Variants in CLDN10 observed in about 807,000 individuals in gnomAD.
CLDN10 encodes the protein claudin-10.
In CLDN10, 15 loss-of-function variants were observed where a neutral mutation model predicts 22.9. The ratio of observed to expected loss-of-function variants is 0.65; its 90% CI spans 0.44 to 1.01. The LOEUF is 1.01. Ranked by LOEUF, CLDN10 falls within the 50% of genes least tolerant of loss-of-function variation. The pLI is 0.00. For missense variants in CLDN10, 247 were observed against 287.8 expected (o/e 0.86, Z 1.03); for synonymous variants, 114 against 111.4 (o/e 1.02, Z -0.15).
chr13:95,487,381 A>C (rs1310708344), intron 1 of CLDN10, among the ~76,000 whole-genome samples: 4 of 152,238 alleles, frequency 2.6e-5, no homozygotes, highest in Non-Finnish European at 5.9e-5. Flanking sequence ...AGAGTATGTT[A>C]TCACTGCTCT....
chr13:95,467,298 T>C (rs1335369826), intron 1 of CLDN10, among the ~76,000 whole-genome samples: 1 of 152,184 alleles, frequency 6.6e-6, no homozygotes, highest in Non-Finnish European at 1.5e-5. Flanking sequence ...TAAGGACTTT[T>C]AAAAGCATAG....
intron 1 of CLDN10, among the ~76,000 whole-genome samples, chr13:95,505,878 C>T (rs867682886): frequency 7.2e-5 from 11 of 151,844 alleles, no homozygotes; most frequent in African/African-American, 2.2e-4. Flanking sequence ...CCTCAGCCTC[C>T]CAAGTATCTG....
chr13:95,518,428 G>T (rs1230227525), intron 1 of CLDN10, among the ~76,000 whole-genome samples: 1 of 152,042 alleles, frequency 6.6e-6, no homozygotes, highest in East Asian at 1.9e-4. Context: ...TTTACCAACT[G>T]CAGTCATTAA....
At chr13:95,460,003 A>T (rs2042519906) in intron 1 of CLDN10, among the ~76,000 whole-genome samples, 1 of 152,150 alleles carries the variant, frequency 6.6e-6, no homozygotes, top group African/African-American at 2.4e-5. Flanking sequence ...ACCCTAAATC[A>T]TCTCTCTCAA....
chr13:95,436,295 C>G (rs530279664), intron 1 of CLDN10, among the ~76,000 whole-genome samples: 124 of 152,114 alleles, frequency 8.2e-4, no homozygotes, highest in African/African-American at 2.8e-3. Flanking sequence ...GTGATCCTCC[C>G]ACCTCAGCCT....
At chr13:95,462,928 A>G (rs1459654876) in intron 1 of CLDN10, among the ~76,000 whole-genome samples, 1 of 152,190 alleles carries the variant, frequency 6.6e-6, no homozygotes, top group Non-Finnish European at 1.5e-5. Context: ...GCTCAGGGAT[A>G]CAAAAGAGTA....
chr13:95,577,347 A>G lies in CLDN10; in HGVS notation c.572+9A>G. ...AACAACAAAACACCCAGGTATGAAA[A>G]AGAGACAAAAATGACCTGTTAAAAA... On this transcript the variant is annotated intron_variant, in intron 4 of 4. Transcript: ENST00000299339. 6.5e-7 allele frequency: 1 copy of G among 1,549,990 alleles called. No individual in the cohort carries two copies. Among genetic ancestry groups the G allele is most frequent in the South Asian group, 1.1e-5 (1 of 89,714 alleles).
chr13:95,524,566 A>G (rs922211715), intron 1 of CLDN10, among the ~76,000 whole-genome samples: 2 of 152,220 alleles, frequency 1.3e-5, no homozygotes, highest in Admixed American at 1.3e-4. Context: ...GTTTATAGAA[A>G]TTTAGGTTAT....
chr13:95,490,728 A>T (rs1158583044), intron 1 of CLDN10, among the ~76,000 whole-genome samples: 1 of 152,082 alleles, frequency 6.6e-6, no homozygotes, highest in Non-Finnish European at 1.5e-5. Context: ...TGTTGAATAG[A>T]ATGCAGTTGT....
chr13:95,479,164 C>T (rs1306277191), intron 1 of CLDN10, among the ~76,000 whole-genome samples: 1 of 152,172 alleles, frequency 6.6e-6, no homozygotes, highest in Non-Finnish European at 1.5e-5. Context: ...GCCTGGTCAA[C>T]ATGGTGAAAC....
At position 95,518,823 on chromosome 13, in the gene CLDN10, C is replaced by T. The variant is rs553894483; in HGVS notation, c.215-41309C>T. On this transcript the variant is annotated intron_variant, in intron 1 of 4. Transcript: ENST00000376873. ...AGAAAGTTCAACTTCCTGATGACTGCTCTAAGACAGAGTGGTTGCAACATG... is the reference window on the plus strand; with the variant it reads ...AGAAAGTTCAACTTCCTGATGACTGTTCTAAGACAGAGTGGTTGCAACATG... Among the ~76,000 whole-genome samples the T allele has an allele frequency of 1.2e-4, 18 of 152,236 alleles. No individual in the cohort carries two copies. In the South Asian group the frequency reaches 2.1e-3, roughly 18 times the overall value.
chr13:95,467,530 G>T (rs199961872), intron 1 of CLDN10, among the ~76,000 whole-genome samples: 31 of 66,708 alleles, frequency 4.6e-4, no homozygotes, highest in South Asian at 4.4e-4. Context: ...TGTTTTTTTT[G>T]GGGGGGGCAA....
At chr13:95,476,443 C>T (rs1594545814) in intron 1 of CLDN10, among the ~76,000 whole-genome samples, 1 of 152,156 alleles carries the variant, frequency 6.6e-6, no homozygotes, top group African/African-American at 2.4e-5. Context: ...TCTCCGGAGC[C>T]TTCTGTATAA....
intron 3 of CLDN10, among the ~76,000 whole-genome samples, chr13:95,574,532 G>A (rs1211392104): frequency 6.6e-6 from 1 of 152,208 alleles, no homozygotes; most frequent in Non-Finnish European, 1.5e-5. Flanking sequence ...CCCTTTAGGA[G>A]GCTGAGGTGG....
At chr13:95,536,544 T>C (rs897250077) in intron 1 of CLDN10, among the ~76,000 whole-genome samples, 1 of 152,198 alleles carries the variant, frequency 6.6e-6, no homozygotes, top group African/African-American at 2.4e-5. Context: ...GGCTACTGTT[T>C]TCTAGAGAAA....
intron 1 of CLDN10, among the ~76,000 whole-genome samples, chr13:95,466,545 C>G (rs1463774194): frequency 4.0e-5 from 6 of 151,152 alleles, no homozygotes; most frequent in Non-Finnish European, 8.8e-5. Context: ...ATATATATGA[C>G]AAAGTAAATG....
intron 1 of CLDN10, among the ~76,000 whole-genome samples, chr13:95,483,202 A>G (rs2042768303): frequency 6.6e-6 from 1 of 152,106 alleles, no homozygotes; most frequent in Non-Finnish European, 1.5e-5. Flanking sequence ...TCACCTGACT[A>G]CTTATTGATT....
At chr13:95,507,726 C>T (rs1031658757) in intron 1 of CLDN10, among the ~76,000 whole-genome samples, 4 of 151,838 alleles carry the variant, frequency 2.6e-5, no homozygotes, top group Admixed American at 6.6e-5. Flanking sequence ...TGGGTTCAAG[C>T]GATTCTCCTG....
In CLDN10 at chr13:95,577,853, G is replaced by T. The variant is rs779712389; in HGVS notation, c.573-47G>T. The T allele has an allele frequency of 4.2e-5, 52 of 1,238,660 alleles. No individual in the cohort carries two copies. The Middle Eastern group carries it at 5.7e-4, about 14-fold the overall frequency. The allele number at this position is 1,238,660 out of a possible 1,614,324, so 76.7% of individuals were successfully genotyped here. A position where few individuals can be genotyped will look rare whatever the true frequency, so the allele number is the denominator to read the frequency against. On this transcript the variant is annotated intron_variant, in intron 4 of 4. Coordinates refer to ENST00000299339, the MANE Select transcript of CLDN10 (RefSeq NM_006984.5). ...AAACAGTTTCTTCCCATTTTTGTTT[G>T]CCCTATGTGTAGAATAGAATCTACC...
Sources: gnomAD v4.1 joint callset for allele counts (sites outside exome capture counted in the v4.1 genomes callset) on GRCh38, gnomAD v4.1.1 for gene constraint, MANE v1.5 for transcripts, NCBI Gene and HGNC (gene_info 2026-07-23, HGNC 2026-07-21) for gene names.